The following NSD1 variants were observed in gnomAD, a reference collection of about 807,000 sequenced individuals.
NSD1 encodes the protein histone-lysine N-methyltransferase, H3 lysine-36 specific.
NSD1 carries 26 observed loss-of-function variants against 242.7 expected under a neutral mutation model. The ratio of observed to expected loss-of-function variants is 0.11; its 90% CI spans 0.08 to 0.15. The LOEUF is 0.15. Ranked by LOEUF, NSD1 falls within the 10% of genes least tolerant of loss-of-function variation. NSD1 has a pLI of 1.00. For synonymous variants in NSD1, 1,106 were observed against 1,178.1 expected, an observed-to-expected ratio of 0.94 and a Z score of 1.25; for missense variants, 2,495 against 3,272.8, an observed-to-expected ratio of 0.76 and a Z score of 5.80.
chr5:177,277,958 C>T (rs930426005), intron 17 of NSD1, among the ~76,000 whole-genome samples: 10 of 152,192 alleles, frequency 6.6e-5, no homozygotes, highest in African/African-American at 2.4e-4. Context: ...TGTTCAAATG[C>T]CCTATTCAGG....
chr5:177,213,706 T>C (rs1397379631), intron 5 of NSD1, among the ~76,000 whole-genome samples: 2 of 152,030 alleles, frequency 1.3e-5, no homozygotes, highest in Non-Finnish European at 2.9e-5. Flanking sequence ...CTCCTGACCT[T>C]GTGATCCGCC....
intron 14 of NSD1, among the ~76,000 whole-genome samples, chr5:177,262,393 A>G (rs1301063507): frequency 1.3e-5 from 2 of 152,164 alleles, no homozygotes; most frequent in Non-Finnish European, 2.9e-5. Context: ...GCTTGAGCCC[A>G]GGAATTCAAG....
intron 21 of NSD1, 125 bp from the exon 22 acceptor site, chr5:177,291,829 A>G (rs995104852): frequency 4.1e-6 from 4 of 964,852 alleles, no homozygotes; most frequent in Non-Finnish European, 6.5e-6. Context: ...CCTTTCCTGC[A>G]TTTTATCTTC....
intron 2 of NSD1, among the ~76,000 whole-genome samples, chr5:177,159,899 T>A (rs34157521): frequency 0.24 from 35,845 of 150,990 alleles, 4,574 homozygotes; most frequent in East Asian, 0.53. Context: ...GAATATATTT[T>A]TTTTTTTTTA....
intron 2 of NSD1, chr5:177,169,350 C>G (rs935514133): frequency 2.6e-5 from 4 of 155,240 alleles, no homozygotes; most frequent in African/African-American, 9.6e-5. Flanking sequence ...ACTTATTGAG[C>G]TTTTTCACTT....
intron 5 of NSD1, among the ~76,000 whole-genome samples, chr5:177,213,344 T>C (rs770022230): frequency 6.6e-6 from 1 of 152,222 alleles, no homozygotes; most frequent in Admixed American, 6.5e-5. Flanking sequence ...GCTTTTAACG[T>C]TTTTAATTGA....
chr5:177,251,580 A>G (rs1562259597), intron 11 of NSD1, 150 bp from the exon 12 acceptor site: 2 of 712,808 alleles, frequency 2.8e-6, no homozygotes, highest in East Asian at 2.7e-5. Context: ...CTTTGTAACT[A>G]GACTAAAATC....
At chr5:177,160,854 C>G (rs987891246) in intron 2 of NSD1, among the ~76,000 whole-genome samples, 1 of 151,824 alleles carries the variant, frequency 6.6e-6, no homozygotes, top group African/African-American at 2.4e-5. Flanking sequence ...CTGCAACCTC[C>G]CCTTCCCAGG....
intron 21 of NSD1, among the ~76,000 whole-genome samples, chr5:177,289,809 A>AT (rs1007748269): frequency 6.1e-5 from 9 of 147,434 alleles, no homozygotes; most frequent in African/African-American, 2.0e-4. Context: ...TATTCTCCTT[A>AT]TTTTTTTTGT....
Position 177,295,541 on chromosome 5 carries a change from TAA to T in NSD1, c.*90_*91del. On this transcript the variant is annotated 3_prime_UTR_variant, in exon 23 of 23. Coordinates refer to ENST00000439151, the MANE Select transcript of NSD1 (RefSeq NM_022455.5). This position sits in a 1 kb window ranked among gnomAD's most constrained non-coding sequence, Gnocchi z 4.3. ...GGAAATCTTTTCTTTCTTTCCCCCT[TAA>T]AAAAAAACACATCTGCCCCGAACAC... is the stretch of plus-strand genomic sequence containing the variant. The T allele has an allele frequency of 7.4e-7, 1 of 1,350,882 alleles. No homozygotes were observed. Among genetic ancestry groups the T allele is most frequent in the Non-Finnish European group, 1.0e-6 (1 of 974,672 alleles). 83.7% of individuals were successfully genotyped at this position (1,350,882 alleles called of 1,614,324 possible).
chr5:177,215,617 G>A (rs1004973848), intron 5 of NSD1, among the ~76,000 whole-genome samples: 30 of 151,540 alleles, frequency 2.0e-4, no homozygotes, highest in Admixed American at 1.9e-3. Flanking sequence ...TCAAGTCACT[G>A]CAACCTCTGC....
chr5:177,289,082 G>A (rs1759568375), intron 21 of NSD1, among the ~76,000 whole-genome samples, 157 bp downstream of exon 21: 3 of 152,156 alleles, frequency 2.0e-5, no homozygotes, highest in Admixed American at 1.3e-4. Context: ...CACTTTGGGA[G>A]GCTGAGGTGG....
At chr5:177,149,017 C>T (rs920723765) in intron 2 of NSD1, among the ~76,000 whole-genome samples, 1 of 151,654 alleles carries the variant, frequency 6.6e-6, no homozygotes, top group Non-Finnish European at 1.5e-5. Flanking sequence ...TAGGGTTTCA[C>T]CATGTTGGCC....
At chr5:177,133,400 G>A (rs1390127869), upstream of NSD1, among the ~76,000 whole-genome samples, 1 of 152,066 alleles carries the variant, frequency 6.6e-6, no homozygotes, top group African/African-American at 2.4e-5. The surrounding 1 kb of genome is among the most constrained non-coding windows in gnomAD (Gnocchi z 6.2). Context: ...GCCGTGCCCC[G>A]AGGTAGGTGA....
rs2149836178 is a variant in NSD1 at position 177,204,169 on chromosome 5, T to G, written c.1113T>G (p.Asp371Glu). The change falls in exon 4 of 23, where the codon GAT (aspartate) becomes GAG (glutamate). Residue 371 changes from aspartate (D) to glutamate (E), a missense_variant. Physicochemically the swap from Asp to Glu is conservative, Grantham distance 45. This residue lies in a region of NSD1 where 65 missense variants were observed against 136.2 expected (regional missense o/e 0.48). Coordinates refer to ENST00000439151, the MANE Select transcript of NSD1 (RefSeq NM_022455.5). Reference sequence around the variant, plus strand: ...AGTACTACGTGGAGGCTTTTGGAGATCCTTCTGAGAGAGCCTGGGTGGCTG... The same window carrying G: ...AGTACTACGTGGAGGCTTTTGGAGAGCCTTCTGAGAGAGCCTGGGTGGCTG... ...YRQYYVEAFG[D>E]PSERAWVAGK... The G allele has an allele frequency of 6.2e-7, 1 of 1,614,148 alleles. No individual in the cohort carries two copies. The highest frequency in any genetic ancestry group is 1.6e-4 in the Middle Eastern group (1 of 6,062).
chr5:177,258,280 G>A (rs1479753559), intron 13 of NSD1, among the ~76,000 whole-genome samples: 1 of 151,052 alleles, frequency 6.6e-6, no homozygotes, highest in African/African-American at 2.4e-5. Flanking sequence ...GCGCCCGGCC[G>A]GCCATTTTTA....
Position 177,204,110 on chromosome 5 carries a change from C to T in NSD1, c.1064-10C>T, listed in dbSNP as rs1057523596. ...GATCTAATGATTCTGGTTCTCTTAC[C>T]CTTACCTAGTTTCCAACCGGAGGCC... On this transcript the variant is annotated splice_polypyrimidine_tract_variant and intron_variant, in intron 3 of 22. Transcript: ENST00000439151. The T allele has an allele frequency of 1.9e-6, 3 of 1,613,168 alleles. No individual in the cohort carries two copies. Among genetic ancestry groups the T allele is most frequent in the African/African-American group, 1.3e-5 (1 of 74,952 alleles).
intron 5 of NSD1, among the ~76,000 whole-genome samples, chr5:177,233,559 A>G (rs1475414697): frequency 9.7e-6 from 1 of 103,522 alleles, no homozygotes; most frequent in African/African-American, 4.9e-5. Context: ...TTTTTTTTTA[A>G]GTAGAGACAG....
intron 12 of NSD1, among the ~76,000 whole-genome samples, chr5:177,254,798 A>T (rs1756295198): frequency 2.4e-4 from 1 of 4,208 alleles, no homozygotes; most frequent in Non-Finnish European, 8.6e-4. Flanking sequence ...TTTTGTATTA[A>T]AGTTTTGCAT....
Sources: allele counts gnomAD v4.1 joint callset (sites outside exome capture counted in the v4.1 genomes callset), GRCh38; gene constraint gnomAD v4.1.1; regional missense constraint gnomAD v4.1.1; non-coding constraint Gnocchi (gnomAD v3.1); transcripts MANE v1.5; gene names NCBI Gene and HGNC (gene_info 2026-07-23, HGNC 2026-07-21).